PLIN3: variants seen among roughly 807,000 people sequenced by gnomAD.
PLIN3 encodes the protein perilipin 3.
A neutral mutation model predicts 35.9 loss-of-function variants in PLIN3; 30 were observed. That is an observed-to-expected ratio of 0.84 (90% confidence interval 0.62 to 1.13). The LOEUF (loss-of-function observed/expected upper bound fraction) is 1.13. PLIN3 is among the 50% of genes most tolerant of loss of function. The pLI is 0.00. For synonymous variants in PLIN3, 261 were observed against 262.5 expected (o/e 0.99, Z 0.06); for missense variants, 603 against 596.9 (o/e 1.01, Z -0.11).
chr19:4,842,342 T>C (rs941078654), intron 7 of PLIN3, among the ~76,000 whole-genome samples: 3 of 151,374 alleles, frequency 2.0e-5, no homozygotes, highest in Admixed American at 1.3e-4. Context: ...GGCAGGAAAA[T>C]TGCTTGAACC....
chr19:4,844,844 G>C, intron 6 of PLIN3, 51 bp from the exon 7 acceptor site: 1 of 1,520,938 alleles, frequency 6.6e-7, no homozygotes, highest in Non-Finnish European at 8.8e-7. Context: ...TGGGAGAGAC[G>C]GGATTCCAGA....
At chr19:4,864,464 T>TG (rs771877429) in intron 1 of PLIN3, among the ~76,000 whole-genome samples, 28,139 of 145,902 alleles carry the variant, frequency 0.19, 3,444 homozygotes, top group Non-Finnish European at 0.29. Context: ...TGTTTTTTTT[T>TG]TTGTTGTTGT....
chr19:4,848,865 A>T (rs1278201912), intron 5 of PLIN3, among the ~76,000 whole-genome samples: 1 of 149,604 alleles, frequency 6.7e-6, no homozygotes, highest in Non-Finnish European at 1.5e-5. Context: ...ACTCCGTCTC[A>T]AAAAAAAAAG....
At position 4,859,944 on chromosome 19, in the gene PLIN3, G is replaced by C; in HGVS notation, c.147C>G (p.Thr49=). ...TCTTGATGTGCGGGTAGCTCTCCTTGGTGGAGGCATAGGCTGCGGACACCA... is the reference window on the plus strand; with the variant it reads ...TCTTGATGTGCGGGTAGCTCTCCTTCGTGGAGGCATAGGCTGCGGACACCA... ...CDMVSAAYAS[T]KESYPHIKTV... is the part of the protein sequence containing the mutation. The change falls in exon 3 of 8, where the codon ACC becomes ACG. Residue 49 remains threonine, a synonymous_variant. Coordinates refer to ENST00000221957, the MANE Select transcript of PLIN3 (RefSeq NM_005817.5). 1 of 1,614,080 alleles carries C rather than the reference G, an allele frequency of 6.2e-7. No homozygotes were observed. The highest frequency in any genetic ancestry group is 8.5e-7 in the Non-Finnish European group (1 of 1,179,988).
chr19:4,854,061 T>C (rs1357759670), intron 4 of PLIN3, among the ~76,000 whole-genome samples: 1 of 151,584 alleles, frequency 6.6e-6, no homozygotes, highest in African/African-American at 2.4e-5. Flanking sequence ...GCCTCCCAAG[T>C]AGCTGAGACT....
chr19:4,860,667 T>C (rs778876957), intron 2 of PLIN3, among the ~76,000 whole-genome samples: 3 of 152,098 alleles, frequency 2.0e-5, no homozygotes, highest in Non-Finnish European at 4.4e-5. Flanking sequence ...CCACTTGATT[T>C]TTAAATTTTA....
rs541176010 is a variant in PLIN3 at position 4,851,901 on chromosome 19, A to T, written c.634+115T>A. 31 of 1,084,400 alleles carry T rather than the reference A, an allele frequency of 2.9e-5. No individual in the cohort carries two copies. The South Asian group carries it at 4.4e-4, about 15-fold the overall frequency. 67.2% of individuals were successfully genotyped at this position (1,084,400 alleles called of 1,614,324 possible). On this transcript the variant is annotated intron_variant, in intron 5 of 7. Coordinates refer to ENST00000221957, the MANE Select transcript of PLIN3 (RefSeq NM_005817.5). ...GATGAGATTCCAAGATGCCCGGGAG[A>T]AGTGGCAGGGACGAGGCGGCAGTGA...
chr19:4,849,438 C>A (rs1018994672), intron 5 of PLIN3, among the ~76,000 whole-genome samples: 2 of 151,950 alleles, frequency 1.3e-5, no homozygotes, highest in East Asian at 3.9e-4. Flanking sequence ...TCCCAAATAG[C>A]AACTGGGACT....
intron 4 of PLIN3, among the ~76,000 whole-genome samples, chr19:4,854,527 C>T (rs2030410326): frequency 6.6e-6 from 1 of 152,104 alleles, no homozygotes; most frequent in African/African-American, 2.4e-5. Flanking sequence ...CCTCAGCCTC[C>T]CCAGCAGCTG....
intron 4 of PLIN3, among the ~76,000 whole-genome samples, chr19:4,856,275 T>C (rs1809980): frequency 0.82 from 125,216 of 152,036 alleles, 51,787 homozygotes; most frequent in East Asian, 0.93. Context: ...TAAGCATCTA[T>C]CTGCAGGGCG....
intron 1 of PLIN3, among the ~76,000 whole-genome samples, chr19:4,864,384 C>A (rs998769725): frequency 6.6e-6 from 1 of 151,102 alleles, no homozygotes; most frequent in African/African-American, 2.4e-5. Flanking sequence ...CACCTGACCT[C>A]GTGATCCACC....
In PLIN3 at chr19:4,858,741, G is replaced by A. The variant is rs138189179; in HGVS notation, c.348+849C>T. Among the ~76,000 whole-genome samples the A allele has an allele frequency of 6.2e-3, 726 of 116,892 alleles. 4 individuals carry two copies. Among genetic ancestry groups the A allele is most frequent in the African/African-American group, 0.022 (684 of 30,774 alleles). 76.7% of individuals were successfully genotyped at this position (116,892 alleles called of 152,430 possible). The stretch of plus-strand genomic sequence containing the variant: ...TTTGAGATGGAGTTTCACTCTTGCT[G>A]CCCAGGCTAGAGTGCAATGGCATGA... On this transcript the variant is annotated intron_variant, in intron 4 of 7. Transcript: ENST00000221957.
intron 6 of PLIN3, among the ~76,000 whole-genome samples, chr19:4,846,566 G>A (rs951284526): frequency 6.6e-6 from 1 of 152,026 alleles, no homozygotes; most frequent in African/African-American, 2.4e-5. Flanking sequence ...AGGCATGGTG[G>A]CAAGTGCCTG....
rs1170971870 is a variant in PLIN3 at position 4,859,948 on chromosome 19, G to C, written c.143C>G (p.Ser48Cys). 1 of 1,614,096 alleles carries C rather than the reference G, an allele frequency of 6.2e-7. No homozygotes were observed. Among genetic ancestry groups the C allele is most frequent in the Non-Finnish European group, 8.5e-7 (1 of 1,180,000 alleles). The change falls in exon 3 of 8, where the codon TCC (serine) becomes TGC (cysteine). Residue 48 changes from serine to cysteine, a missense_variant. Coordinates refer to ENST00000221957, the MANE Select transcript of PLIN3 (RefSeq NM_005817.5). The part of the protein sequence containing the change: ...TCDMVSAAYA[S>C]TKESYPHIKT... ...GATGTGCGGGTAGCTCTCCTTGGTG[G>C]AGGCATAGGCTGCGGACACCATGTC...
chr19:4,848,144 CA>C (rs1440767695), intron 5 of PLIN3, among the ~76,000 whole-genome samples: 1 of 152,044 alleles, frequency 6.6e-6, no homozygotes, highest in African/African-American at 2.4e-5. Flanking sequence ...CCACCATGCC[CA>C]GCTAATTTTT....
rs774014026 is a variant in PLIN3, at chr19:4,839,382, G to A, written c.1115C>T (p.Thr372Met). The A allele has an allele frequency of 2.5e-5, 40 of 1,612,900 alleles. No homozygotes were observed. The highest frequency in any genetic ancestry group is 3.3e-5 in the Admixed American group (2 of 59,954). ...ARRQVEDLQA[T>M]FSSIHSFQDL... The stretch of plus-strand genomic sequence containing the variant: ...CTGGAAGGAGTGGATGCTGGAAAAC[G>A]TGGCCTGGAGGTCCTCCACCTGGCG... The change falls in exon 8 of 8, where the codon ACG becomes ATG. Residue 372 changes from threonine (T) to methionine (M), a missense_variant. Physicochemically the swap from Thr to Met is moderately conservative, Grantham distance 81. Coordinates refer to ENST00000221957, the MANE Select transcript of PLIN3 (RefSeq NM_005817.5).
intron 1 of PLIN3, among the ~76,000 whole-genome samples, chr19:4,862,086 A>T (rs1430914977): frequency 6.8e-6 from 1 of 148,148 alleles, no homozygotes; most frequent in Non-Finnish European, 1.5e-5. Context: ...CTATAGGCAC[A>T]CACCACCACG....
At position 4,839,401 on chromosome 19, in the gene PLIN3, C is replaced by G; in HGVS notation, c.1096G>C (p.Val366Leu). 6.2e-7 allele frequency: 1 copy of G among 1,610,966 alleles called. No homozygotes were observed. The highest frequency in any genetic ancestry group is 8.5e-7 in the Non-Finnish European group (1 of 1,177,554). Reference protein sequence around the residue: ...KDQVQQARRQVEDLQATFSSI... With the variant: ...KDQVQQARRQLEDLQATFSSI... ...GAAAACGTGGCCTGGAGGTCCTCCA[C>G]CTGGCGGCGGGCCTGCTGCACCTGG... Residue 366 changes from valine to leucine, a missense_variant, in exon 8 of 8, where the codon GTG becomes CTG. By Grantham distance (32) the Val-to-Leu change is conservative (BLOSUM62 1). Coordinates refer to ENST00000221957, the MANE Select transcript of PLIN3 (RefSeq NM_005817.5).
intron 7 of PLIN3, 131 bp from the exon 8 acceptor site, chr19:4,839,667 CTTT>C (rs781142496): frequency 1.2e-3 from 527 of 451,800 alleles, no homozygotes; most frequent in South Asian, 3.5e-3. Flanking sequence ...ATAGGCGAAA[CTTT>C]TTTTTTTTTT....
Sources: allele counts gnomAD v4.1 joint callset (sites outside exome capture counted in the v4.1 genomes callset), GRCh38; gene constraint gnomAD v4.1.1; transcripts MANE v1.5; gene names NCBI Gene and HGNC (gene_info 2026-07-23, HGNC 2026-07-21).